METTL16: variants seen among roughly 807,000 people sequenced by gnomAD.
The protein encoded by METTL16 is RNA N(6)-adenosine-methyltransferase METTL16.
In METTL16, 19 loss-of-function variants were observed where a neutral mutation model predicts 57.9. That is an observed-to-expected ratio of 0.33 (90% CI 0.23 to 0.48). The LOEUF (loss-of-function observed/expected upper bound fraction) is 0.48. Among genes scored for constraint, METTL16 ranks in the 20% least tolerant of loss-of-function variants. The probability of loss-of-function intolerance (pLI) is 0.99; values close to 1 mark genes in which losing one functional copy is unlikely to be tolerated. For synonymous variants in METTL16, 246 were observed against 255.6 expected (o/e 0.96, Z 0.36); for missense variants, 434 against 691.5 (o/e 0.63, Z 4.18).
chr17:2,496,121 T>C (rs900647029), intron 2 of METTL16, among the ~76,000 whole-genome samples: 1 of 150,128 alleles, frequency 6.7e-6, no homozygotes, highest in Non-Finnish European at 1.5e-5. Flanking sequence ...AAAACACACA[T>C]GCACACACAC....
At chr17:2,485,678 C>G (rs1419623909) in intron 2 of METTL16, among the ~76,000 whole-genome samples, 1 of 152,182 alleles carries the variant, frequency 6.6e-6, no homozygotes, top group East Asian at 1.9e-4. Flanking sequence ...TTTATTCATT[C>G]AACAAATAGT....
chr17:2,420,199 G>T lies in METTL16; in HGVS notation c.1460C>A (p.Ala487Asp), dbSNP rs202110734. 5.6e-6 allele frequency: 9 copies of T among 1,614,120 alleles called. No homozygotes were observed. The highest frequency in any genetic ancestry group is 7.6e-6 in the Non-Finnish European group (9 of 1,180,034). Residue 487 changes from alanine (A) to aspartate (D), a missense_variant, in exon 10 of 10, where the codon GCC becomes GAC. Around this residue, in one of 5 missense-constraint regions of METTL16, gnomAD observed 168 missense variants for 149.6 expected, o/e 1.12. Transcript: ENST00000263092. The surrounding 1 kb of genome is among the most constrained non-coding windows in gnomAD (Gnocchi z 5.4). ...LESCQGSSNG[A>D]QDQEASEQFG... ...CTGCTCAGAAGCCTCTTGGTCCTGG[G>T]CTCCGTTGCTAGAGCCTTGACAACT...
At chr17:2,428,602 T>TATATATATATATATTAAA (rs376112549) in intron 8 of METTL16, among the ~76,000 whole-genome samples, 7 of 94,974 alleles carry the variant, frequency 7.4e-5, no homozygotes, top group African/African-American at 1.9e-4. Context: ...TATATATATA[T>TATATATATATATATTAAA]AAATTGTAAT....
At chr17:2,480,773 A>C (rs1324219580) in intron 2 of METTL16, among the ~76,000 whole-genome samples, 3 of 152,226 alleles carry the variant, frequency 2.0e-5, no homozygotes, top group African/African-American at 7.2e-5. Context: ...CATAGAATAA[A>C]ATACATGAGT....
intron 2 of METTL16, among the ~76,000 whole-genome samples, chr17:2,499,043 T>G (rs1422179135): frequency 2.0e-5 from 3 of 151,518 alleles, no homozygotes; most frequent in Non-Finnish European, 4.4e-5. Flanking sequence ...ACCATTTCGG[T>G]TTCAAATCAT....
intron 7 of METTL16, among the ~76,000 whole-genome samples, chr17:2,440,970 CAAAAAAAAAA>C (rs760521188): frequency 2.1e-4 from 7 of 34,040 alleles, no homozygotes; most frequent in East Asian, 1.9e-3. Context: ...GACTTGATCT[CAAAAAAAAAA>C]AAAAAAAAAA....
At chr17:2,440,090 C>T (rs908084707) in intron 7 of METTL16, among the ~76,000 whole-genome samples, 40 of 152,124 alleles carry the variant, frequency 2.6e-4, no homozygotes, top group Admixed American at 2.6e-3. Flanking sequence ...GACCTTGTTT[C>T]TACTAAAAAT....
In METTL16 at chr17:2,495,555, T is replaced by C. The variant is rs573170692; in HGVS notation, c.128+6649A>G. On this transcript the variant is annotated intron_variant, in intron 2 of 9. Coordinates refer to ENST00000263092, the MANE Select transcript of METTL16 (RefSeq NM_024086.4). ...ACTAAAAATACAAAAATTAGCCAGG[T>C]GTGGTTGTGCGCACCTGTAATCCCA... is the stretch of plus-strand genomic sequence containing the variant. Among the ~76,000 whole-genome samples, 1,359 of 149,190 alleles carry C rather than the reference T, an allele frequency of 9.1e-3. 31 individuals carry two copies. The highest frequency in any genetic ancestry group is 0.032 in the African/African-American group (1,275 of 39,774).
intron 1 of METTL16, among the ~76,000 whole-genome samples, chr17:2,508,154 A>G (rs1320502993): frequency 1.3e-5 from 2 of 151,902 alleles, no homozygotes; most frequent in Non-Finnish European, 2.9e-5. Flanking sequence ...ATCCTCTATT[A>G]TAACATCTCC....
chr17:2,432,446 G>A (rs113233483), intron 8 of METTL16, among the ~76,000 whole-genome samples: 2 of 152,244 alleles, frequency 1.3e-5, no homozygotes, highest in South Asian at 4.1e-4. Flanking sequence ...GCACATGCCT[G>A]TAGGCGCAGC....
At position 2,419,781 on chromosome 17, in the gene METTL16, A is replaced by C; in HGVS notation, c.*189T>G. ...ATTCCTCCTTGTAAATGACCACACT[A>C]CGACTCCCTGTAACTCAAAAAGCGG... On this transcript the variant is annotated 3_prime_UTR_variant, in exon 10 of 10. Transcript: ENST00000263092. 1.4e-6 allele frequency: 1 copy of C among 740,460 alleles called. No homozygotes were observed. The highest frequency in any genetic ancestry group is 2.4e-6 in the Non-Finnish European group (1 of 423,178). 45.9% of individuals were successfully genotyped at this position (740,460 alleles called of 1,614,324 possible). A position where few individuals can be genotyped will look rare whatever the true frequency, so the allele number is the denominator to read the frequency against.
intron 6 of METTL16, among the ~76,000 whole-genome samples, chr17:2,454,985 A>G (rs1292029660): frequency 6.6e-6 from 1 of 151,738 alleles, no homozygotes; most frequent in Non-Finnish European, 1.5e-5. Context: ...CAGTGGCGCA[A>G]TCTTGGTTCA....
Position 2,420,659 on chromosome 17 carries a change from TA to T in METTL16, c.1063-64del, listed in dbSNP as rs11427343. On this transcript the variant is annotated intron_variant, in intron 9 of 9. Transcript: ENST00000263092. The surrounding 1 kb of genome is among the most constrained non-coding windows in gnomAD (Gnocchi z 5.4). ...GTTTCCCCTCTCTCCAAACTCTCAATAAAAAAAAAAAGAAAAAAGAAAAAAG... is the reference window on the plus strand; with the variant it reads ...GTTTCCCCTCTCTCCAAACTCTCAATAAAAAAAAAAGAAAAAAGAAAAAAG... The T allele has an allele frequency of 0.012, 14,320 of 1,151,246 alleles. No homozygotes were observed. Among genetic ancestry groups the T allele is most frequent in the South Asian group, 0.024 (1,476 of 60,684 alleles). The allele number at this position is 1,151,246 out of a possible 1,614,324, so 71.3% of individuals were successfully genotyped here.
At chr17:2,497,055 C>T (rs1435647540) in intron 2 of METTL16, among the ~76,000 whole-genome samples, 1 of 151,508 alleles carries the variant, frequency 6.6e-6, no homozygotes, top group African/African-American at 2.4e-5. Context: ...GCCCAGGTTG[C>T]ACTGCAGTGG....
intron 5 of METTL16, among the ~76,000 whole-genome samples, chr17:2,464,971 G>A (rs949353659): frequency 6.6e-6 from 1 of 152,176 alleles, no homozygotes; most frequent in South Asian, 2.1e-4. Flanking sequence ...AAAGGGCACC[G>A]TCAAGAAAGT....
rs943403963 is a variant in METTL16, at chr17:2,495,414, C to T, written c.128+6790G>A. ...TAATCGAATATGAAAAAGATGATTTCGGCTGGGTGCGGTGGCTCACGCCTG... is the reference window on the plus strand; with the variant it reads ...TAATCGAATATGAAAAAGATGATTTTGGCTGGGTGCGGTGGCTCACGCCTG... On this transcript the variant is annotated intron_variant, in intron 2 of 9. Coordinates refer to ENST00000263092, the MANE Select transcript of METTL16 (RefSeq NM_024086.4). Among the ~76,000 whole-genome samples the T allele has an allele frequency of 3.3e-5, 5 of 151,992 alleles. No homozygotes were observed. In the East Asian group the frequency reaches 5.8e-4, roughly 18 times the overall value.
chr17:2,441,064 C>G (rs2066947782), intron 7 of METTL16, among the ~76,000 whole-genome samples: 1 of 146,962 alleles, frequency 6.8e-6, no homozygotes, highest in South Asian at 2.2e-4. Context: ...AAGTATCCAT[C>G]AACAAAGGAC....
chr17:2,477,612 A>C, intron 3 of METTL16, 74 bp downstream of exon 3: 1 of 1,123,310 alleles, frequency 8.9e-7, no homozygotes, highest in Non-Finnish European at 1.3e-6. Context: ...ACCCAGTAGA[A>C]AAGTTTACAA....
At chr17:2,424,116 T>A (rs1260631657) in intron 8 of METTL16, 2 of 29,006 alleles carry the variant, frequency 6.9e-5, no homozygotes, top group African/African-American at 2.5e-4. Flanking sequence ...TATTTTATTA[T>A]TTTATTTTTT....
Sources: allele counts gnomAD v4.1 joint callset (sites outside exome capture counted in the v4.1 genomes callset), GRCh38; gene constraint gnomAD v4.1.1; regional missense constraint gnomAD v4.1.1; non-coding constraint Gnocchi (gnomAD v3.1); transcripts MANE v1.5; gene names NCBI Gene and HGNC (gene_info 2026-07-23, HGNC 2026-07-21).